The following PPL variants were observed in gnomAD, a reference collection of about 807,000 sequenced individuals.
PPL encodes periplakin.
In PPL, 198 loss-of-function variants were observed where a neutral mutation model predicts 194.4. That is an observed-to-expected ratio of 1.02 (90% CI 0.91 to 1.15). The LOEUF (loss-of-function observed/expected upper bound fraction) is 1.15. Among genes scored for constraint, PPL ranks in the 50% most tolerant of loss-of-function variants. The probability of loss-of-function intolerance (pLI) is 0.00; values close to 1 mark genes in which losing one functional copy is unlikely to be tolerated. For missense variants in PPL, 2,885 were observed against 2,294.8 expected, an observed-to-expected ratio of 1.26 and a Z score of -5.25; for synonymous variants, 1,220 against 972.4, an observed-to-expected ratio of 1.25 and a Z score of -4.74.
In PPL at chr16:4,883,134, G is replaced by A. The variant is rs2088131477; in HGVS notation, c.*250C>T. On this transcript the variant is annotated 3_prime_UTR_variant, in exon 22 of 22. Transcript: ENST00000345988. This position sits in a 1 kb window ranked among gnomAD's most constrained non-coding sequence, Gnocchi z 4.8. ...AGTGTACAGGAAAAGGGAGGAAAAGGCATCGCAGTTGTCCAGTCATTGGAG... is the reference window on the plus strand; with the variant it reads ...AGTGTACAGGAAAAGGGAGGAAAAGACATCGCAGTTGTCCAGTCATTGGAG... 7.8e-6 allele frequency: 4 copies of A among 509,686 alleles called. No individual in the cohort carries two copies. Among genetic ancestry groups the A allele is most frequent in the Non-Finnish European group, 1.4e-5 (4 of 284,314 alleles). The allele number at this position is 509,686 out of a possible 1,614,324, so 31.6% of individuals were successfully genotyped here.
chr16:4,921,455 A>G (rs2089048115), intron 1 of PPL, among the ~76,000 whole-genome samples: 1 of 152,098 alleles, frequency 6.6e-6, no homozygotes, highest in African/African-American at 2.4e-5. Context: ...GCCTCAGTAG[A>G]CACAGCCCGA....
chr16:4,910,318 G>A (rs2088793570), intron 2 of PPL, among the ~76,000 whole-genome samples: 1 of 152,166 alleles, frequency 6.6e-6, no homozygotes, highest in African/African-American at 2.4e-5. Flanking sequence ...TAATAGCCCT[G>A]TCCTATACCT....
At chr16:4,926,765 G>C (rs1465168361) in intron 1 of PPL, among the ~76,000 whole-genome samples, 1 of 151,326 alleles carries the variant, frequency 6.6e-6, no homozygotes, top group East Asian at 1.9e-4. Context: ...TGTAGTCCCA[G>C]CTACTTGGGA....
chr16:4,892,493 T>C (rs991690309), intron 14 of PPL, among the ~76,000 whole-genome samples: 1 of 152,176 alleles, frequency 6.6e-6, no homozygotes, highest in Non-Finnish European at 1.5e-5. Context: ...ACGCGGACGC[T>C]TCTGTTTAAT....
chr16:4,912,971 GCAT>G (rs747829878), intron 1 of PPL, among the ~76,000 whole-genome samples: 77 of 152,272 alleles, frequency 5.1e-4, no homozygotes, highest in Non-Finnish European at 9.7e-4. Context: ...AGGTGTGGTG[GCAT>G]GCGCCTGTAG....
At chr16:4,906,514 C>T (rs1236097389) in intron 2 of PPL, among the ~76,000 whole-genome samples, 4 of 152,168 alleles carry the variant, frequency 2.6e-5, no homozygotes, top group African/African-American at 4.8e-5. Context: ...CGTGAGCCAC[C>T]GCGCCCGGCC....
chr16:4,913,042 G>A (rs1439166469), intron 1 of PPL, among the ~76,000 whole-genome samples: 4 of 151,844 alleles, frequency 2.6e-5, no homozygotes, highest in African/African-American at 4.8e-5. Context: ...AGGTGGAGGT[G>A]GCAGTGAGCT....
chr16:4,927,481 G>A (rs541753922), intron 1 of PPL, among the ~76,000 whole-genome samples: 2 of 152,360 alleles, frequency 1.3e-5, no homozygotes, highest in South Asian at 4.1e-4. Context: ...AGCCAGGGAT[G>A]AGAACAAGGA....
intron 2 of PPL, among the ~76,000 whole-genome samples, chr16:4,908,633 G>A (rs2088754133): frequency 6.6e-6 from 1 of 152,146 alleles, no homozygotes; most frequent in South Asian, 2.1e-4. Flanking sequence ...AACCTTCCGG[G>A]CTTAAGCGAG....
chr16:4,919,302 G>A (rs955087463), intron 1 of PPL, among the ~76,000 whole-genome samples: 9 of 152,240 alleles, frequency 5.9e-5, no homozygotes, highest in African/African-American at 1.9e-4. Context: ...GGCAGCCTGT[G>A]TAGGAGAAAG....
Position 4,887,072 on chromosome 16 carries a change from A to G in PPL, c.2607+63T>C, listed in dbSNP as rs952012189. 12 of 1,315,890 alleles carry G rather than the reference A, an allele frequency of 9.1e-6. No individual in the cohort carries two copies. In the African/African-American group the frequency reaches 1.0e-4, roughly 11 times the overall value. The allele number at this position is 1,315,890 out of a possible 1,614,324, so 81.5% of individuals were successfully genotyped here. The stretch of plus-strand genomic sequence containing the variant: ...AATTCACAAACCATTTCTCTAAGAC[A>G]GAGTCTGTATTTGTCACCTGTTAGA... On this transcript the variant is annotated intron_variant, in intron 21 of 21. Transcript: ENST00000345988.
intron 1 of PPL, among the ~76,000 whole-genome samples, chr16:4,935,535 G>C (rs2089285265): frequency 6.6e-6 from 1 of 152,190 alleles, no homozygotes; most frequent in African/African-American, 2.4e-5. Flanking sequence ...TGGAGGAGGG[G>C]TGTGCAGGCC....
At chr16:4,919,683 AC>A (rs1209016947) in intron 1 of PPL, among the ~76,000 whole-genome samples, 1 of 152,170 alleles carries the variant, frequency 6.6e-6, no homozygotes, top group Non-Finnish European at 1.5e-5. Flanking sequence ...TAATCCCACC[AC>A]TTTGGGAGGC....
chr16:4,917,506 A>G (rs1388844424), intron 1 of PPL, among the ~76,000 whole-genome samples: 2 of 152,164 alleles, frequency 1.3e-5, no homozygotes, highest in East Asian at 3.8e-4. Context: ...GGAGGATGTA[A>G]AATGGACAGT....
intron 1 of PPL, among the ~76,000 whole-genome samples, chr16:4,932,571 A>T (rs1404916923): frequency 6.6e-6 from 1 of 151,580 alleles, no homozygotes; most frequent in Non-Finnish European, 1.5e-5. Flanking sequence ...CCGCCACCAC[A>T]CCCAGCTAAT....
At chr16:4,892,554 T>TG (rs1230144430) in intron 14 of PPL, among the ~76,000 whole-genome samples, 3 of 152,036 alleles carry the variant, frequency 2.0e-5, no homozygotes, top group African/African-American at 7.2e-5. Context: ...CAGTCACGGG[T>TG]GGGGGTGTGA....
intron 1 of PPL, among the ~76,000 whole-genome samples, chr16:4,921,838 G>A (rs1180439817): frequency 6.6e-6 from 1 of 151,972 alleles, no homozygotes; most frequent in Non-Finnish European, 1.5e-5. Flanking sequence ...GCAAAGTGGA[G>A]AGCTGGGACT....
At position 4,885,190 on chromosome 16, in the gene PPL, G is replaced by T. The variant is rs374409367; in HGVS notation, c.3465C>A (p.Leu1155=). ...RASQREKTEL[L]RKIWALEEEN... The stretch of plus-strand genomic sequence containing the variant: ...CCTCCTCCAAGGCCCATATCTTTCG[G>T]AGCAGCTCCGTCTTCTCCCTCTGGC... The change falls in exon 22 of 22, where the codon CTC becomes CTA. Residue 1155 remains leucine (L), a synonymous_variant. Coordinates refer to ENST00000345988, the MANE Select transcript of PPL (RefSeq NM_002705.5). The surrounding 1 kb of genome is among the most constrained non-coding windows in gnomAD (Gnocchi z 6.3). 56 of 1,613,864 alleles carry T rather than the reference G, an allele frequency of 3.5e-5. No homozygotes were observed. In the African/African-American group the frequency reaches 6.4e-4, roughly 18 times the overall value.
rs2089182670 is a variant in PPL, at chr16:4,928,116, T to G, written c.62+8868A>C. On this transcript the variant is annotated intron_variant, in intron 1 of 21. Transcript: ENST00000345988. ...AAGGCATCAGGATGTCACTCTGGGTTCAGGACCACTGGAGAAAGAGCACCA... is the reference window on the plus strand; with the variant it reads ...AAGGCATCAGGATGTCACTCTGGGTGCAGGACCACTGGAGAAAGAGCACCA... Among the ~76,000 whole-genome samples, 3 of 152,216 alleles carry G rather than the reference T, an allele frequency of 2.0e-5. No homozygotes were observed. The South Asian group carries it at 6.2e-4, about 32-fold the overall frequency.
Sources: gnomAD v4.1 joint callset for allele counts (sites outside exome capture counted in the v4.1 genomes callset) on GRCh38, gnomAD v4.1.1 for gene constraint, Gnocchi (gnomAD v3.1) non-coding constraint, MANE v1.5 for transcripts, NCBI Gene and HGNC (gene_info 2026-07-23, HGNC 2026-07-21) for gene names.